TRIP11: variants seen among roughly 807,000 people sequenced by gnomAD.
The protein encoded by TRIP11 is thyroid receptor-interacting protein 11.
Under a neutral mutation model 223.1 loss-of-function variants are expected in TRIP11, and 148 were observed. The ratio of observed to expected loss-of-function variants is 0.66; its 90% confidence interval spans 0.58 to 0.76. TRIP11 has a LOEUF of 0.76. Ranked by LOEUF, TRIP11 falls within the 30% of genes least tolerant of loss-of-function variation. TRIP11 has a pLI of 0.00. For missense variants in TRIP11, 2,043 were observed against 2,222.0 expected (o/e 0.92, Z 1.62); for synonymous variants, 762 against 772.6 (o/e 0.99, Z 0.23).
At chr14:92,013,278 CA>C (rs1045017782) in intron 7 of TRIP11, among the ~76,000 whole-genome samples, 1 of 150,584 alleles carries the variant, frequency 6.6e-6, no homozygotes, top group Non-Finnish European at 1.5e-5. Flanking sequence ...AAAAAACAAA[CA>C]AAAAAAAAGC....
chr14:92,003,263 T>C (rs1371666627), intron 11 of TRIP11, among the ~76,000 whole-genome samples, 156 bp downstream of exon 11: 1 of 152,178 alleles, frequency 6.6e-6, no homozygotes, highest in East Asian at 1.9e-4. Flanking sequence ...CAGATGTCTC[T>C]GAGGAAAATT....
chr14:92,023,880 G>T (rs2057144303), intron 3 of TRIP11, among the ~76,000 whole-genome samples: 2 of 150,298 alleles, frequency 1.3e-5, no homozygotes, highest in Non-Finnish European at 3.0e-5. Flanking sequence ...TTTTGAGACG[G>T]AGTCTCGTTC....
At chr14:92,002,767 G>A (rs2056843041) in intron 11 of TRIP11, among the ~76,000 whole-genome samples, 1 of 151,836 alleles carries the variant, frequency 6.6e-6, no homozygotes, top group Non-Finnish European at 1.5e-5. Flanking sequence ...TTTTAGTAGA[G>A]TCGGGGTTTC....
rs2056627644 is a variant in TRIP11, at chr14:91,988,296, G to T, written c.5248C>A (p.Leu1750Ile). ...GAAAAAAACCTACTTTGTCTTTTAAGTTCTTCAATTTGTTCTTCTTTTACA... is the reference window on the plus strand; with the variant it reads ...GAAAAAAACCTACTTTGTCTTTTAATTTCTTCAATTTGTTCTTCTTTTACA... The part of the protein sequence containing the change: ...LDVKEEQIEE[L>I]KRQNELRQEM... Residue 1750 changes from leucine (L) to isoleucine (I), a missense_variant, in exon 16 of 21, where the codon CTT (leucine) becomes ATT (isoleucine). By Grantham distance (5) the Leu-to-Ile change is conservative. Transcript: ENST00000267622. 6.2e-7 allele frequency: 1 copy of T among 1,611,672 alleles called. No homozygotes were observed. Among genetic ancestry groups the T allele is most frequent in the Non-Finnish European group, 8.5e-7 (1 of 1,179,036 alleles).
chr14:92,018,971 A>C (rs1041992704), intron 4 of TRIP11, among the ~76,000 whole-genome samples: 14 of 150,938 alleles, frequency 9.3e-5, no homozygotes, highest in Non-Finnish European at 1.8e-4. Flanking sequence ...AAAAAAAAAA[A>C]AAAAAAACAA....
chr14:92,039,961 T>C lies in TRIP11; in HGVS notation c.-276A>G, dbSNP rs929127038. On this transcript the variant is annotated 5_prime_UTR_variant, in exon 1 of 21. Coordinates refer to ENST00000267622, the MANE Select transcript of TRIP11 (RefSeq NM_004239.4). ...ATTCCCACCGTCCAGATTGGGCCAC[T>C]TCTTTCTCAGCTCTAATGACTTTCC... The C allele has an allele frequency of 3.6e-6, 2 of 553,310 alleles. No homozygotes were observed. The highest frequency in any genetic ancestry group is 6.4e-6 in the Non-Finnish European group (2 of 313,058). 34.3% of individuals were successfully genotyped at this position (553,310 alleles called of 1,614,324 possible). A position where few individuals can be genotyped will look rare whatever the true frequency, so the allele number is the denominator to read the frequency against.
chr14:92,019,324 T>C (rs1309506995), intron 4 of TRIP11, among the ~76,000 whole-genome samples: 2 of 152,170 alleles, frequency 1.3e-5, no homozygotes, highest in African/African-American at 2.4e-5. Context: ...TTTGTTTAAA[T>C]GCAGTTTAAG....
At position 91,975,209 on chromosome 14, in the gene TRIP11, C is replaced by T; in HGVS notation, c.5420G>A (p.Gly1807Glu). 1 of 1,613,780 alleles carries T rather than the reference C, an allele frequency of 6.2e-7. No individual in the cohort carries two copies. The highest frequency in any genetic ancestry group is 8.5e-7 in the Non-Finnish European group (1 of 1,179,816). Residue 1807 changes from glycine to glutamate, a missense_variant, in exon 18 of 21, where the codon GGG becomes GAG. Physicochemically the swap from Gly to Glu is moderately conservative, Grantham distance 98. Transcript: ENST00000267622. ...NQRHEVLRLMGSILGVRREEM... is the reference protein window; with the variant it reads ...NQRHEVLRLMESILGVRREEM... ...CTCCCTTCTGACGCCCAGGATGCTC[C>T]CCATTAACCGTAACACTTCATGACG...
chr14:91,999,813 C>T (rs1281734420), intron 12 of TRIP11, among the ~76,000 whole-genome samples, 155 bp downstream of exon 12: 1 of 151,996 alleles, frequency 6.6e-6, no homozygotes, highest in East Asian at 1.9e-4. Flanking sequence ...ATAAAATGCA[C>T]CATGGGAGAT....
Position 91,999,328 on chromosome 14 carries a change from C to T in TRIP11, c.4804G>A (p.Ala1602Thr). 1 of 1,613,916 alleles carries T rather than the reference C, an allele frequency of 6.2e-7. No homozygotes were observed. The stretch of plus-strand genomic sequence containing the variant: ...CTTAGTTTAGCCTCTCTATCTTCTG[C>T]AGCCAAAGCTTCACGGGTATAAGAA... ...EDSYTREALA[A>T]EDREAKLRKK... Residue 1602 changes from alanine to threonine, a missense_variant, in exon 13 of 21, where the codon GCA becomes ACA. Ala to Thr is a moderately conservative substitution (Grantham distance 58). Transcript: ENST00000267622.
rs2056855867 is a variant in TRIP11, at chr14:92,003,569, C to T, written c.4407G>A (p.Val1469=). The change falls in exon 11 of 21, where the codon GTG becomes GTA. Residue 1469 remains valine, a synonymous_variant. Coordinates refer to ENST00000267622, the MANE Select transcript of TRIP11 (RefSeq NM_004239.4). ...GKLKGENEKI[V]ETYRGKETEY... ...CTGTTTCCTTTCCCCTGTATGTTTC[C>T]ACTATTTTTTCATTTTCTCCTTTTA... is the stretch of plus-strand genomic sequence containing the variant. 3 of 1,613,960 alleles carry T rather than the reference C, an allele frequency of 1.9e-6. No homozygotes were observed. The highest frequency in any genetic ancestry group is 2.7e-5 in the African/African-American group (2 of 74,898).
At chr14:92,011,216 C>T (rs2056967995) in intron 8 of TRIP11, 144 bp from the exon 9 acceptor site, 1 of 773,462 alleles carries the variant, frequency 1.3e-6, no homozygotes, top group Non-Finnish European at 2.1e-6. Context: ...CTTGGCCAGA[C>T]ACGGTGGCTC....
At chr14:91,992,078 T>TTAAAAA (rs2056680134) in intron 15 of TRIP11, among the ~76,000 whole-genome samples, 1 of 14,748 alleles carries the variant, frequency 6.8e-5, no homozygotes, top group Non-Finnish European at 1.2e-4. Context: ...AAACGCCGTC[T>TTAAAAA]CAAAAAAAAA....
At chr14:92,016,936 T>C (rs763556376) in intron 5 of TRIP11, among the ~76,000 whole-genome samples, 23 of 152,194 alleles carry the variant, frequency 1.5e-4, no homozygotes, top group African/African-American at 2.4e-4. Context: ...GCCACAATAA[T>C]ATATGCAACT....
intron 16 of TRIP11, among the ~76,000 whole-genome samples, chr14:91,981,438 G>A (rs2056543556): frequency 6.6e-6 from 1 of 152,120 alleles, no homozygotes; most frequent in Admixed American, 6.5e-5. Context: ...CACCCAGGCT[G>A]TAGTGCAGTG....
intron 19 of TRIP11, among the ~76,000 whole-genome samples, chr14:91,973,908 A>G (rs960855077): frequency 1.3e-5 from 2 of 152,108 alleles, no homozygotes; most frequent in Non-Finnish European, 1.5e-5. Context: ...GGCGCCTGTT[A>G]TCCCAGCTAC....
At chr14:91,972,643 T>C in intron 20 of TRIP11, 74 bp downstream of exon 20, 1 of 1,461,360 alleles carries the variant, frequency 6.8e-7, no homozygotes, top group Non-Finnish European at 9.3e-7. Flanking sequence ...ATTTAGTTAA[T>C]ATCACTGTGA....
chr14:91,999,941 C>A, intron 12 of TRIP11, 27 bp downstream of exon 12: 1 of 1,612,966 alleles, frequency 6.2e-7, no homozygotes, highest in South Asian at 1.1e-5. Context: ...TTGTTTGATT[C>A]ATAATTCTTT....
rs1277315548 is a variant in TRIP11 at position 92,037,388 on chromosome 14, T to C, written c.139+2159A>G. On this transcript the variant is annotated intron_variant, in intron 1 of 20. Coordinates refer to ENST00000267622, the MANE Select transcript of TRIP11 (RefSeq NM_004239.4). This position sits in a 1 kb window ranked among gnomAD's most constrained non-coding sequence, Gnocchi z 4.2. ...CAGAATGGTTCACCAAGTACTTAAGTACCTGACATATGAGCAGGGTTGTAC... is the reference window on the plus strand; with the variant it reads ...CAGAATGGTTCACCAAGTACTTAAGCACCTGACATATGAGCAGGGTTGTAC... 3.3e-5 allele frequency among the ~76,000 whole-genome samples: 5 copies of C among 152,194 alleles called. No homozygotes were observed. Among genetic ancestry groups the C allele is most frequent in the Admixed American group, 3.3e-4 (5 of 15,278 alleles).
Sources: allele counts gnomAD v4.1 joint callset (sites outside exome capture counted in the v4.1 genomes callset), GRCh38; gene constraint gnomAD v4.1.1; non-coding constraint Gnocchi (gnomAD v3.1); transcripts MANE v1.5; gene names NCBI Gene and HGNC (gene_info 2026-07-23, HGNC 2026-07-21).